Variants in STXBP6 observed in about 807,000 individuals in gnomAD.
The protein encoded by STXBP6 is syntaxin binding protein 6.
A neutral mutation model predicts 26.9 loss-of-function variants in STXBP6; 21 were observed. The ratio of observed to expected loss-of-function variants is 0.78; its 90% confidence interval spans 0.55 to 1.12. The LOEUF (loss-of-function observed/expected upper bound fraction) is 1.12. STXBP6 is among the 50% of genes most tolerant of loss of function. The pLI is 0.00. For missense variants in STXBP6, 232 were observed against 257.9 expected (o/e 0.90, Z 0.69); for synonymous variants, 97 against 92.6 (o/e 1.05, Z -0.27).
chr14:24,844,587 T>A (rs1486878007), intron 4 of STXBP6, among the ~76,000 whole-genome samples: 1 of 152,138 alleles, frequency 6.6e-6, no homozygotes, highest in Non-Finnish European at 1.5e-5. Flanking sequence ...AGTTACTTGG[T>A]GTGGAAAACC....
At chr14:24,971,949 A>C (rs1249510478) in intron 2 of STXBP6, among the ~76,000 whole-genome samples, 2 of 152,242 alleles carry the variant, frequency 1.3e-5, no homozygotes, top group Non-Finnish European at 2.9e-5. Flanking sequence ...TATTTGACTA[A>C]TTAATTGCTA....
At chr14:24,851,653 T>C (rs766105668) in intron 4 of STXBP6, among the ~76,000 whole-genome samples, 50 of 152,174 alleles carry the variant, frequency 3.3e-4, no homozygotes, top group Non-Finnish European at 6.3e-4. Context: ...ATAACATCAT[T>C]TCTGTTTACA....
chr14:24,849,538 A>G (rs2069075778), intron 4 of STXBP6, among the ~76,000 whole-genome samples: 1 of 152,134 alleles, frequency 6.6e-6, no homozygotes, highest in Non-Finnish European at 1.5e-5. Flanking sequence ...CATCAGCTGT[A>G]TCTCTTAATG....
intron 1 of STXBP6, among the ~76,000 whole-genome samples, chr14:25,041,868 A>C (rs2075649400): frequency 6.6e-6 from 1 of 152,160 alleles, no homozygotes; most frequent in Non-Finnish European, 1.5e-5. Context: ...AAACAATCTC[A>C]TTCTTCAAAG....
At chr14:24,853,945 T>C (rs1378632357) in intron 4 of STXBP6, among the ~76,000 whole-genome samples, 1 of 152,042 alleles carries the variant, frequency 6.6e-6, no homozygotes, top group Non-Finnish European at 1.5e-5. Context: ...AAATTAGAGA[T>C]CTATCAGTCT....
chr14:24,843,120 GATAA>G (rs2068836027), intron 4 of STXBP6, among the ~76,000 whole-genome samples: 1 of 152,168 alleles, frequency 6.6e-6, no homozygotes, highest in Admixed American at 6.5e-5. Flanking sequence ...TTTCAGGGTA[GATAA>G]ATAACCTCTC....
chr14:24,840,658 C>G (rs2068757031), intron 4 of STXBP6, among the ~76,000 whole-genome samples: 1 of 152,176 alleles, frequency 6.6e-6, no homozygotes, highest in South Asian at 2.1e-4. Context: ...TTCACCTTTA[C>G]TGCATTTGTC....
chr14:25,007,513 C>T (rs1259254482), intron 1 of STXBP6, among the ~76,000 whole-genome samples: 1 of 152,174 alleles, frequency 6.6e-6, no homozygotes, highest in Non-Finnish European at 1.5e-5. Context: ...CAGCACAATT[C>T]CCATCCCCTT....
intron 2 of STXBP6, among the ~76,000 whole-genome samples, chr14:24,906,154 A>C (rs998309600): frequency 6.6e-6 from 1 of 152,194 alleles, no homozygotes; most frequent in Non-Finnish European, 1.5e-5. Flanking sequence ...TTAATTTTTT[A>C]AAAGGGTCTT....
At chr14:24,968,955 C>T (rs2073818427) in intron 2 of STXBP6, among the ~76,000 whole-genome samples, 1 of 152,082 alleles carries the variant, frequency 6.6e-6, no homozygotes, top group South Asian at 2.1e-4. Context: ...TCCCCACCAG[C>T]CCCCCGTGCT....
intron 2 of STXBP6, among the ~76,000 whole-genome samples, chr14:24,966,514 T>C (rs2073738741): frequency 1.3e-5 from 2 of 152,198 alleles, no homozygotes; most frequent in African/African-American, 4.8e-5. Flanking sequence ...AAGCCTCAGC[T>C]ATTTCATCTG....
intron 2 of STXBP6, among the ~76,000 whole-genome samples, chr14:24,955,560 C>G (rs939710178): frequency 3.9e-5 from 6 of 152,140 alleles, no homozygotes; most frequent in Non-Finnish European, 5.9e-5. Context: ...GCAGGGTGAA[C>G]CCATTAATCA....
chr14:24,830,563 T>C (rs2068427347), intron 4 of STXBP6, among the ~76,000 whole-genome samples: 1 of 152,162 alleles, frequency 6.6e-6, no homozygotes, highest in African/African-American at 2.4e-5. Context: ...AAACAAATTT[T>C]CTTGGAGGGT....
At chr14:24,945,218 T>C (rs1812574621) in intron 2 of STXBP6, among the ~76,000 whole-genome samples, 1 of 140,000 alleles carries the variant, frequency 7.1e-6, no homozygotes, top group Non-Finnish European at 1.5e-5. Context: ...AAGTGTGTTG[T>C]AGTGGACCCC....
At chr14:24,968,403 G>A (rs1285965073) in intron 2 of STXBP6, among the ~76,000 whole-genome samples, 1 of 151,840 alleles carries the variant, frequency 6.6e-6, no homozygotes, top group Non-Finnish European at 1.5e-5. Flanking sequence ...ATGAGAGCCG[G>A]TCTGAATTAG....
At chr14:24,933,951 A>G (rs1032502081) in intron 2 of STXBP6, among the ~76,000 whole-genome samples, 1 of 152,234 alleles carries the variant, frequency 6.6e-6, no homozygotes, top group African/African-American at 2.4e-5. Flanking sequence ...TAGGGACCCG[A>G]GAATTAGTAA....
intron 1 of STXBP6, among the ~76,000 whole-genome samples, chr14:24,984,078 A>C (rs2074268726): frequency 6.6e-6 from 1 of 152,148 alleles, no homozygotes; most frequent in Non-Finnish European, 1.5e-5. Flanking sequence ...GTAAAAATAC[A>C]AAAATTAGCC....
At chr14:24,886,067 T>A (rs920610363) in intron 2 of STXBP6, among the ~76,000 whole-genome samples, 2 of 152,194 alleles carry the variant, frequency 1.3e-5, no homozygotes, top group African/African-American at 4.8e-5. Context: ...TTAATCCCCC[T>A]CTTCTTCAGC....
At chr14:24,979,763 A>G (rs1015109634) in intron 1 of STXBP6, among the ~76,000 whole-genome samples, 3 of 152,082 alleles carry the variant, frequency 2.0e-5, no homozygotes, top group Admixed American at 2.0e-4. Flanking sequence ...ATTTGATTTA[A>G]TATTTCTAGA....
Sources: allele counts gnomAD v4.1 joint callset (sites outside exome capture counted in the v4.1 genomes callset), GRCh38; gene constraint gnomAD v4.1.1; transcripts MANE v1.5; gene names NCBI Gene and HGNC (gene_info 2026-07-23, HGNC 2026-07-21).